The following FAM13A variants were observed in gnomAD, a reference collection of about 807,000 sequenced individuals.
FAM13A encodes family with sequence similarity 13 member A.
In FAM13A, 76 loss-of-function variants were observed where a neutral mutation model predicts 129.6. That is an observed-to-expected ratio of 0.59 (90% CI 0.49 to 0.71). The LOEUF (loss-of-function observed/expected upper bound fraction) is 0.71, where lower values mean the gene tolerates loss of function less well. Among genes scored for constraint, FAM13A ranks in the 30% least tolerant of loss-of-function variants. FAM13A has a pLI of 0.00. For missense variants in FAM13A, 1,108 were observed against 1,249.3 expected (o/e 0.89, Z 1.70); for synonymous variants, 443 against 449.9 (o/e 0.98, Z 0.20).
At chr4:88,986,179 G>T (rs895803351) in intron 4 of FAM13A, among the ~76,000 whole-genome samples, 9 of 150,750 alleles carry the variant, frequency 6.0e-5, no homozygotes, top group African/African-American at 2.0e-4. Context: ...TATCTCCCAG[G>T]CTGGAGTGCA....
rs556048616 is a variant in FAM13A, at chr4:88,794,659, C to T, written c.1050-4032G>A. ...ATAAAATCCTGCCTGTAAAATATTA[C>T]CGTTTTATTAGGAAACATGAGGTCT... On this transcript the variant is annotated intron_variant, in intron 8 of 23. Transcript: ENST00000264344. 1.2e-4 allele frequency among the ~76,000 whole-genome samples: 18 copies of T among 151,828 alleles called. No homozygotes were observed. The South Asian group carries it at 3.7e-3, about 31-fold the overall frequency.
intron 11 of FAM13A, among the ~76,000 whole-genome samples, chr4:88,780,290 C>A (rs1028736921): frequency 1.3e-5 from 2 of 152,176 alleles, no homozygotes; most frequent in East Asian, 3.9e-4. Context: ...ATAGGTGGCC[C>A]ATGAATTTTA....
intron 6 of FAM13A, among the ~76,000 whole-genome samples, chr4:88,890,506 C>T (rs769083958): frequency 3.2e-4 from 48 of 152,098 alleles, no homozygotes; most frequent in Non-Finnish European, 6.3e-4. Flanking sequence ...TCAGTAGATA[C>T]AGCAAATACA....
At chr4:88,865,744 A>T (rs1438912906) in intron 6 of FAM13A, among the ~76,000 whole-genome samples, 1 of 152,250 alleles carries the variant, frequency 6.6e-6, no homozygotes, top group Non-Finnish European at 1.5e-5. Flanking sequence ...ATATATAAAC[A>T]AATGGGCACG....
chr4:88,897,204 C>G (rs993476045), intron 6 of FAM13A, among the ~76,000 whole-genome samples: 67 of 152,158 alleles, frequency 4.4e-4, no homozygotes, highest in African/African-American at 1.6e-3. Flanking sequence ...ACCTCTTTAT[C>G]TAAAAATCTG....
At chr4:88,756,898 A>G (rs1479232353) in intron 14 of FAM13A, among the ~76,000 whole-genome samples, 1 of 152,190 alleles carries the variant, frequency 6.6e-6, no homozygotes, top group Non-Finnish European at 1.5e-5. Context: ...ATGTGAATTC[A>G]TGTAGATTTT....
chr4:88,859,384 T>G (rs1377702278), intron 6 of FAM13A, among the ~76,000 whole-genome samples: 1 of 152,058 alleles, frequency 6.6e-6, no homozygotes, highest in Non-Finnish European at 1.5e-5. Context: ...GAGCTGATCT[T>G]AGTCAGGACT....
At chr4:88,992,453 T>C (rs1488795019) in intron 3 of FAM13A, among the ~76,000 whole-genome samples, 1 of 152,064 alleles carries the variant, frequency 6.6e-6, no homozygotes, top group African/African-American at 2.4e-5. Context: ...GTATTTTTAG[T>C]AGAGACGGCA....
intron 13 of FAM13A, among the ~76,000 whole-genome samples, chr4:88,765,949 G>A (rs997544008): frequency 6.6e-6 from 1 of 152,218 alleles, no homozygotes; most frequent in Non-Finnish European, 1.5e-5. Flanking sequence ...AAGGATGTGA[G>A]ATTGTTTCCC....
intron 3 of FAM13A, among the ~76,000 whole-genome samples, chr4:88,999,058 G>T (rs1326564328): frequency 6.6e-6 from 1 of 152,120 alleles, no homozygotes; most frequent in Non-Finnish European, 1.5e-5. Context: ...AAATGCAGAG[G>T]TATGTTTATT....
intron 2 of FAM13A, among the ~76,000 whole-genome samples, chr4:89,025,445 T>C (rs1767848114): frequency 6.6e-6 from 1 of 150,834 alleles, no homozygotes; most frequent in South Asian, 2.1e-4. Flanking sequence ...TTTGTATTTT[T>C]AGTAGAGACG....
In FAM13A at chr4:88,747,784, G is replaced by C. The variant is rs539444866; in HGVS notation, c.2229C>G (p.Pro743=). The C allele has an allele frequency of 2.2e-5, 36 of 1,614,128 alleles. No individual in the cohort carries two copies. The Middle Eastern group carries it at 6.6e-4, about 30-fold the overall frequency. ...TCTCAAGTTGGGAACCAAAACTCTT[G>C]GGGAGTGTGTTGCTTCGCTGCCGCA... is the stretch of plus-strand genomic sequence containing the variant. The part of the protein sequence containing the change: ...PRMRQRSNTL[P]KSFGSQLEKE... Residue 743 remains proline (P), a synonymous_variant, in exon 18 of 24, where the codon CCC becomes CCG. Transcript: ENST00000264344.
At chr4:88,853,208 AGACT>A (rs1281218566) in intron 6 of FAM13A, among the ~76,000 whole-genome samples, 2 of 152,186 alleles carry the variant, frequency 1.3e-5, no homozygotes, top group Middle Eastern at 3.2e-3. Flanking sequence ...ATATTTGCTG[AGACT>A]GACTTTTTTA....
chr4:88,785,637 G>A (rs1723809625), intron 10 of FAM13A, among the ~76,000 whole-genome samples: 1 of 152,174 alleles, frequency 6.6e-6, no homozygotes, highest in South Asian at 2.1e-4. Context: ...TGAGTGAAAG[G>A]ATAACAGAAC....
chr4:88,770,134 A>T lies in FAM13A; in HGVS notation c.1459-2075T>A, dbSNP rs545293976. ...TTAATTTACACACTTAGATAATTTT[A>T]GAATGGATCTGAGAAATTAAAAATT... On this transcript the variant is annotated intron_variant, in intron 11 of 23. Transcript: ENST00000264344. Among the ~76,000 whole-genome samples the T allele has an allele frequency of 7.2e-5, 11 of 152,356 alleles. No homozygotes were observed. The South Asian group carries it at 2.3e-3, about 32-fold the overall frequency.
chr4:88,957,818 TGCGTTA>T (rs1403006708), intron 4 of FAM13A, among the ~76,000 whole-genome samples: 2 of 152,250 alleles, frequency 1.3e-5, no homozygotes, highest in Non-Finnish European at 2.9e-5. Context: ...ACCCATGTTA[TGCGTTA>T]GCAAGGAACT....
chr4:88,789,874 C>T (rs1724772948), intron 9 of FAM13A, among the ~76,000 whole-genome samples: 1 of 151,958 alleles, frequency 6.6e-6, no homozygotes. Flanking sequence ...TCTGAGGCAG[C>T]AATAAGGTTG....
At chr4:88,920,241 GC>G (rs926972164) in intron 5 of FAM13A, among the ~76,000 whole-genome samples, 1 of 152,168 alleles carries the variant, frequency 6.6e-6, no homozygotes, top group African/African-American at 2.4e-5. Context: ...CGGGCAGACT[GC>G]CTCCTCAAGT....
At chr4:88,757,917 G>A (rs998004017) in intron 14 of FAM13A, among the ~76,000 whole-genome samples, 5 of 152,170 alleles carry the variant, frequency 3.3e-5, no homozygotes, top group African/African-American at 7.2e-5. Context: ...GTAAGTCATT[G>A]TGTTAAGTCA....
Sources: allele counts gnomAD v4.1 joint callset (sites outside exome capture counted in the v4.1 genomes callset), GRCh38; gene constraint gnomAD v4.1.1; transcripts MANE v1.5; gene names NCBI Gene and HGNC (gene_info 2026-07-23, HGNC 2026-07-21).